Variants in PTPRJ observed in about 807,000 individuals in gnomAD.
The protein encoded by PTPRJ is protein tyrosine phosphatase receptor type J.
In PTPRJ, 129 loss-of-function variants were observed where a neutral mutation model predicts 141.3. The observed-to-expected ratio is 0.91, with a 90% CI of 0.79 to 1.06. PTPRJ has a LOEUF of 1.06. Among genes scored for constraint, PTPRJ ranks in the 50% least tolerant of loss-of-function variants. The pLI is 0.00. For synonymous variants in PTPRJ, 610 were observed against 640.5 expected (o/e 0.95, Z 0.72); for missense variants, 1,601 against 1,679.7 (o/e 0.95, Z 0.82).
intron 1 of PTPRJ, among the ~76,000 whole-genome samples, chr11:48,094,837 G>A (rs192164426): frequency 1.3e-5 from 2 of 152,096 alleles, no homozygotes; most frequent in African/African-American, 2.4e-5. Flanking sequence ...ATGGATACCC[G>A]AGAACATGTT....
At chr11:48,016,934 AT>A (rs924992458) in intron 1 of PTPRJ, among the ~76,000 whole-genome samples, 24 of 149,316 alleles carry the variant, frequency 1.6e-4, no homozygotes, top group African/African-American at 3.0e-4. Flanking sequence ...TTTATTTTTA[AT>A]TTTTTTTTTG....
chr11:48,027,791 CAAAAAAAAAAAAAAAA>C (rs750153282), intron 1 of PTPRJ, among the ~76,000 whole-genome samples: 6 of 32,898 alleles, frequency 1.8e-4, no homozygotes, highest in Admixed American at 4.7e-4. Flanking sequence ...ACTCTGTCTC[CAAAAAAAAAAAAAAAA>C]AAAAAAAAAA....
intron 2 of PTPRJ, among the ~76,000 whole-genome samples, chr11:48,111,055 T>A (rs556704329): frequency 2.6e-5 from 4 of 152,140 alleles, no homozygotes; most frequent in Non-Finnish European, 5.9e-5. Context: ...GGCAGGTGGA[T>A]CACCTGAATT....
chr11:48,016,985 C>A (rs1163100387), intron 1 of PTPRJ, among the ~76,000 whole-genome samples: 3 of 151,496 alleles, frequency 2.0e-5, no homozygotes, highest in African/African-American at 7.3e-5. Context: ...GTCTTGAGCT[C>A]CTGGGCTCAA....
chr11:48,077,340 A>C (rs2134280524), intron 1 of PTPRJ, among the ~76,000 whole-genome samples: 1 of 152,284 alleles, frequency 6.6e-6, no homozygotes, highest in South Asian at 2.1e-4. Context: ...CCTCACACCC[A>C]GTTCTTCTTG....
At chr11:48,123,894 G>T (rs199685501) in intron 5 of PTPRJ, 24 bp downstream of exon 5, 1 of 1,605,920 alleles carries the variant, frequency 6.2e-7, no homozygotes, top group Non-Finnish European at 8.5e-7. Flanking sequence ...GGTACCTTCC[G>T]TCTCCCTTAC....
intron 22 of PTPRJ, among the ~76,000 whole-genome samples, chr11:48,160,610 A>G (rs1249026106): frequency 6.6e-6 from 1 of 152,180 alleles, no homozygotes; most frequent in Non-Finnish European, 1.5e-5. Flanking sequence ...ATGAAGCAGC[A>G]TTGGTATCTG....
intron 15 of PTPRJ, among the ~76,000 whole-genome samples, chr11:48,147,690 G>A (rs1759483416): frequency 6.6e-6 from 1 of 152,174 alleles, no homozygotes; most frequent in African/African-American, 2.4e-5. Context: ...TGAAGCCTGT[G>A]TGTGTTAGTT....
At chr11:48,142,436 C>T (rs1451209695) in intron 11 of PTPRJ, among the ~76,000 whole-genome samples, 1 of 152,070 alleles carries the variant, frequency 6.6e-6, no homozygotes, top group Non-Finnish European at 1.5e-5. Context: ...TGAGTAGTGT[C>T]AAGTCTTCCA....
At chr11:47,981,133 TCCCCGGAA>T in intron 1 of PTPRJ, 125 bp downstream of exon 1, 1 of 996,108 alleles carries the variant, frequency 1.0e-6, no homozygotes, top group South Asian at 5.0e-5. Context: ...GATCCCCGGA[TCCCCGGAA>T]GGCGACTTGC....
intron 1 of PTPRJ, among the ~76,000 whole-genome samples, chr11:48,051,485 C>T (rs577994987): frequency 6.6e-6 from 1 of 152,276 alleles, no homozygotes; most frequent in African/African-American, 2.4e-5. Flanking sequence ...GCTGATTGTG[C>T]TGATTAAATG....
chr11:48,161,180 C>A (rs868555880), intron 22 of PTPRJ, among the ~76,000 whole-genome samples: 340 of 68,110 alleles, frequency 5.0e-3, no homozygotes, highest in South Asian at 8.8e-3. Flanking sequence ...GACCCGGTCT[C>A]AAAAAAAAAA....
At position 48,086,099 on chromosome 11, in the gene PTPRJ, A is replaced by C. The variant is rs187574798; in HGVS notation, c.97-23959A>C. On this transcript the variant is annotated intron_variant, in intron 1 of 24. Transcript: ENST00000418331. ...TGGTGAGAATTGAAACAGTGAAAGA[A>C]GATTTTAGAGAAAAGGTGACATGTA... Among the ~76,000 whole-genome samples the C allele has an allele frequency of 2.0e-3, 303 of 152,344 alleles. 1 individual carries two copies. Among genetic ancestry groups the C allele is most frequent in the African/African-American group, 7.0e-3 (291 of 41,584 alleles).
chr11:48,165,443 A>G (rs1857895486), intron 24 of PTPRJ, among the ~76,000 whole-genome samples: 1 of 152,256 alleles, frequency 6.6e-6, no homozygotes, highest in Non-Finnish European at 1.5e-5. Context: ...TTTTTGAGGC[A>G]TGTTTTCAAC....
At chr11:48,104,757 G>A (rs1856243268) in intron 1 of PTPRJ, among the ~76,000 whole-genome samples, 1 of 152,182 alleles carries the variant, frequency 6.6e-6, no homozygotes, top group Non-Finnish European at 1.5e-5. Context: ...ACAGGCAGGG[G>A]TTTGTGACCT....
rs1853758580 is a variant in PTPRJ at position 48,024,746 on chromosome 11, T to C, written c.96+43738T>C. 4.6e-5 allele frequency among the ~76,000 whole-genome samples: 7 copies of C among 152,242 alleles called. No homozygotes were observed. The East Asian group carries it at 1.3e-3, about 29-fold the overall frequency. On this transcript the variant is annotated intron_variant, in intron 1 of 24. Transcript: ENST00000418331. ...TATGTGGATTGCTGAGTTTCACGCA[T>C]GAGCTGTGTTGTCATTTCATTCATT... is the stretch of plus-strand genomic sequence containing the variant.
intron 1 of PTPRJ, among the ~76,000 whole-genome samples, chr11:48,024,807 T>C (rs1460205018): frequency 6.6e-6 from 1 of 152,264 alleles, no homozygotes; most frequent in Admixed American, 6.5e-5. Context: ...CCTGGAGTTT[T>C]TCCAGCTCCC....
At chr11:48,098,779 AAAGT>A in intron 1 of PTPRJ, among the ~76,000 whole-genome samples, 1 of 16,010 alleles carries the variant, frequency 6.2e-5, no homozygotes, top group Non-Finnish European at 3.3e-4. Flanking sequence ...TCGGCCTCCC[AAAGT>A]GCTGGGATTA....
rs1451352919 is a variant in PTPRJ, at chr11:48,013,065, C to T, written c.96+32057C>T. ...GTTGCAGTGGGCTGAGATTGTGCCA[C>T]TGCACTCCAGCCTGGGCAACAGAGT... On this transcript the variant is annotated intron_variant, in intron 1 of 24. Coordinates refer to ENST00000418331, the MANE Select transcript of PTPRJ (RefSeq NM_002843.4). Among the ~76,000 whole-genome samples, 7 of 143,214 alleles carry T rather than the reference C, an allele frequency of 4.9e-5. No individual in the cohort carries two copies. The East Asian group carries it at 1.0e-3, about 21-fold the overall frequency. 94.0% of individuals were successfully genotyped at this position (143,214 alleles called of 152,430 possible).
Sources: gnomAD v4.1 joint callset for allele counts (sites outside exome capture counted in the v4.1 genomes callset) on GRCh38, gnomAD v4.1.1 for gene constraint, MANE v1.5 for transcripts, NCBI Gene and HGNC (gene_info 2026-07-23, HGNC 2026-07-21) for gene names.